The following SLCO1B3 variants were observed in gnomAD, a reference collection of about 807,000 sequenced individuals.
SLCO1B3 encodes the protein solute carrier organic anion transporter family member 1B3.
A neutral mutation model predicts 71.8 loss-of-function variants in SLCO1B3; 72 were observed. That is an observed-to-expected ratio of 1.00 (90% CI 0.83 to 1.22). The LOEUF is 1.22. Ranked by LOEUF, SLCO1B3 falls within the 50% of genes most tolerant of loss-of-function variation. The pLI is 0.00. For missense variants in SLCO1B3, 911 were observed against 819.7 expected, an observed-to-expected ratio of 1.11 and a Z score of -1.36; for synonymous variants, 298 against 278.4, an observed-to-expected ratio of 1.07 and a Z score of -0.70.
At chr12:20,820,653 C>T (rs1036672423) in intron 3 of SLCO1B3, among the ~76,000 whole-genome samples, 2 of 152,096 alleles carry the variant, frequency 1.3e-5, no homozygotes, top group African/African-American at 4.8e-5. Context: ...GTTTGAGGGC[C>T]AGATTCCAAT....
chr12:20,850,007 C>T (rs1179078887), intron 3 of SLCO1B3, among the ~76,000 whole-genome samples: 1 of 147,198 alleles, frequency 6.8e-6, no homozygotes, highest in Non-Finnish European at 1.5e-5. Context: ...AGATTTACCG[C>T]ACATTCTATC....
intron 1 of SLCO1B3, among the ~76,000 whole-genome samples, chr12:20,811,343 G>A (rs2121055670): frequency 6.6e-6 from 1 of 152,238 alleles, no homozygotes; most frequent in South Asian, 2.1e-4. Context: ...ACAGCTCTTG[G>A]AAAGAATTAA....
intron 13 of SLCO1B3, among the ~76,000 whole-genome samples, chr12:20,897,076 T>G (rs948849947): frequency 6.6e-6 from 1 of 152,130 alleles, no homozygotes; most frequent in Non-Finnish European, 1.5e-5. Context: ...GGGTATTATG[T>G]GAGTAAAATT....
At chr12:20,870,783 T>A (rs1475834920) in intron 8 of SLCO1B3, among the ~76,000 whole-genome samples, 1 of 152,218 alleles carries the variant, frequency 6.6e-6, no homozygotes, top group Non-Finnish European at 1.5e-5. Flanking sequence ...TTTCTCAAGG[T>A]TGCTTTGGCT....
chr12:20,853,541 T>C lies in SLCO1B3; in HGVS notation c.85-1487T>C, dbSNP rs945670127. Among the ~76,000 whole-genome samples, 14 of 152,026 alleles carry C rather than the reference T, an allele frequency of 9.2e-5. No homozygotes were observed. In the East Asian group the frequency reaches 1.5e-3, roughly 17 times the overall value. On this transcript the variant is annotated intron_variant, in intron 3 of 15. Transcript: ENST00000381545. ...TATAATTGTTCATAGTCATCTCTTA[T>C]AATTCTTTTTAATTTCTGAGACAGC...
At chr12:20,836,799 G>A (rs1042731399) in intron 3 of SLCO1B3, among the ~76,000 whole-genome samples, 4 of 151,886 alleles carry the variant, frequency 2.6e-5, no homozygotes, top group African/African-American at 4.8e-5. Flanking sequence ...CCACCACCAC[G>A]CCTGGCTAAT....
At position 20,855,036 on chromosome 12, in the gene SLCO1B3, G is replaced by T. The variant is rs1865104778; in HGVS notation, c.93G>T (p.Leu31Phe). 6.2e-7 allele frequency: 1 copy of T among 1,610,158 alleles called. No individual in the cohort carries two copies. The highest frequency in any genetic ancestry group is 8.5e-7 in the Non-Finnish European group (1 of 1,179,336). Residue 31 changes from leucine (L) to phenylalanine (F), a missense_variant, in exon 4 of 16, where the codon TTG (leucine) becomes TTT (phenylalanine). Leu to Phe is a conservative substitution (Grantham distance 22). Transcript: ENST00000381545. ...TRRCNGFKMFLAALSFSYIAK... is the reference protein window; with the variant it reads ...TRRCNGFKMFFAALSFSYIAK... The stretch of plus-strand genomic sequence containing the variant: ...TCTTCTATTGTTTTTAGATGTTCTT[G>T]GCAGCCCTGTCATTCAGCTATATTG...
At chr12:20,820,254 G>T (rs1864269707) in intron 3 of SLCO1B3, among the ~76,000 whole-genome samples, 1 of 152,192 alleles carries the variant, frequency 6.6e-6, no homozygotes, top group South Asian at 2.1e-4. Context: ...GGCTTCTGAG[G>T]TGATCAGGCA....
At chr12:20,889,208 C>G (rs1165943815) in intron 13 of SLCO1B3, among the ~76,000 whole-genome samples, 2 of 151,364 alleles carry the variant, frequency 1.3e-5, no homozygotes, top group African/African-American at 4.9e-5. Flanking sequence ...ATGATGCTGA[C>G]TTCATAGAAT....
intron 6 of SLCO1B3, 39 bp downstream of exon 6, chr12:20,861,177 G>A (rs1175343281): frequency 6.7e-7 from 1 of 1,495,492 alleles, no homozygotes; most frequent in Non-Finnish European, 9.0e-7. Flanking sequence ...ATTCTAGATT[G>A]ATAGATTTAA....
At chr12:20,821,169 A>T (rs999370010) in intron 3 of SLCO1B3, among the ~76,000 whole-genome samples, 1 of 152,122 alleles carries the variant, frequency 6.6e-6, no homozygotes, top group African/African-American at 2.4e-5. Flanking sequence ...GATGAATTGC[A>T]TTGGGCAGAG....
chr12:20,886,078 A>G (rs543824507), intron 13 of SLCO1B3, among the ~76,000 whole-genome samples: 5 of 152,170 alleles, frequency 3.3e-5, no homozygotes, highest in African/African-American at 1.2e-4. Flanking sequence ...AGCCAATATG[A>G]TTTGCTGGTT....
Position 20,845,804 on chromosome 12 carries a change from G to A in SLCO1B3, c.85-9224G>A, listed in dbSNP as rs150521689. On this transcript the variant is annotated intron_variant, in intron 3 of 15. Transcript: ENST00000381545. ...TCTCTCTAGATCATCTGTCTAGTGC[G>A]GTCAGTGAAGTTTTTAAGTTCTCCA... Among the ~76,000 whole-genome samples, 199 of 152,138 alleles carry A rather than the reference G, an allele frequency of 1.3e-3. 2 individuals are homozygous for A. Among genetic ancestry groups the A allele is most frequent in the African/African-American group, 4.7e-3 (194 of 41,520 alleles).
At position 20,901,466 on chromosome 12, in the gene SLCO1B3, G is replaced by A. The variant is rs867325631; in HGVS notation, c.1864G>A (p.Gly622Arg). ...ACRIYNSVFF[G>R]RVYLGLSIAL... The stretch of plus-strand genomic sequence containing the variant: ...TAGGATATATAATTCCGTATTTTTT[G>A]GGTAAGTTGTCGTAAACACATTTCA... Residue 622 changes from glycine (G) to arginine (R), a missense_variant and splice_region_variant, in exon 15 of 16, where the codon GGA (glycine) becomes AGA (arginine). Gly to Arg is a moderately radical substitution (Grantham distance 125, BLOSUM62 -2). Transcript: ENST00000381545. 1.3e-6 allele frequency: 2 copies of A among 1,497,462 alleles called. No individual in the cohort carries two copies. The highest frequency in any genetic ancestry group is 1.3e-5 in the South Asian group (1 of 76,730). The allele number at this position is 1,497,462 out of a possible 1,614,324, so 92.8% of individuals were successfully genotyped here.
At chr12:20,876,028 G>A (rs1423970672) in intron 9 of SLCO1B3, among the ~76,000 whole-genome samples, 1 of 151,346 alleles carries the variant, frequency 6.6e-6, no homozygotes, top group Non-Finnish European at 1.5e-5. Flanking sequence ...GGTAATTAGA[G>A]TAAGATTATT....
At chr12:20,849,406 C>CA (rs1030243476) in intron 3 of SLCO1B3, among the ~76,000 whole-genome samples, 22 of 152,078 alleles carry the variant, frequency 1.4e-4, no homozygotes, top group Admixed American at 5.9e-4. Context: ...CCTCTCTCAA[C>CA]ATGATAAGGG....
At chr12:20,844,899 G>A (rs1192495172) in intron 3 of SLCO1B3, among the ~76,000 whole-genome samples, 3 of 151,704 alleles carry the variant, frequency 2.0e-5, no homozygotes, top group Non-Finnish European at 4.4e-5. Context: ...GTGTGGTGGT[G>A]CATGCCTGTA....
intron 3 of SLCO1B3, among the ~76,000 whole-genome samples, chr12:20,845,769 T>C (rs183761776): frequency 5.6e-4 from 85 of 152,314 alleles, no homozygotes; most frequent in Non-Finnish European, 1.0e-3. Flanking sequence ...TACATTGTTT[T>C]TGTTGACTTT....
At chr12:20,915,562 G>A (rs1374361166) in intron 15 of SLCO1B3, among the ~76,000 whole-genome samples, 1 of 152,158 alleles carries the variant, frequency 6.6e-6, no homozygotes, top group Non-Finnish European at 1.5e-5. Flanking sequence ...TTGGGTAAAA[G>A]GAATTGCTGT....
Sources: allele counts gnomAD v4.1 joint callset (sites outside exome capture counted in the v4.1 genomes callset), GRCh38; gene constraint gnomAD v4.1.1; transcripts MANE v1.5; gene names NCBI Gene and HGNC (gene_info 2026-07-23, HGNC 2026-07-21).